The following SDCBP2 variants were observed in gnomAD, a reference collection of about 807,000 sequenced individuals.
SDCBP2 encodes the protein syndecan binding protein 2, also known as syntenin-2.
In SDCBP2, 28 loss-of-function variants were observed where a neutral mutation model predicts 30.7. That is an observed-to-expected ratio of 0.91 (90% confidence interval 0.68 to 1.25). The LOEUF is 1.25. Ranked by LOEUF, SDCBP2 falls within the 50% of genes most tolerant of loss-of-function variation. The pLI is 0.00. For missense variants in SDCBP2, 399 were observed against 379.0 expected (o/e 1.05, Z -0.44); for synonymous variants, 166 against 157.3 (o/e 1.06, Z -0.41).
chr20:1,317,485 T>A (rs1455128834), intron 4 of SDCBP2: 1 of 152,382 alleles, frequency 6.6e-6, no homozygotes, highest in Non-Finnish European at 1.5e-5. Context: ...GTGATGACAG[T>A]GGGGCTGCCT....
rs2088894532 is a variant in SDCBP2, at chr20:1,324,661, G to A, written c.-19-4226C>T. Among the ~76,000 whole-genome samples the A allele has an allele frequency of 1.3e-5, 2 of 152,168 alleles. No individual in the cohort carries two copies. The highest frequency in any genetic ancestry group is 2.4e-5 in the African/African-American group (1 of 41,438). On this transcript the variant is annotated intron_variant, in intron 1 of 8. Coordinates refer to ENST00000360779, the MANE Select transcript of SDCBP2 (RefSeq NM_080489.5). The surrounding 1 kb of genome is among the most constrained non-coding windows in gnomAD (Gnocchi z 4.7). ...AAATGCATATATCAGGTTGGTTGTG[G>A]GGAGTTACACTTTGCTCACCATTCT...
intron 1 of SDCBP2, chr20:1,325,439 C>T (rs987284763): frequency 1.4e-4 from 21 of 152,220 alleles, no homozygotes; most frequent in African/African-American, 5.1e-4. Flanking sequence ...ACATGGCGGC[C>T]TCCTTGCCGC....
At position 1,320,705 on chromosome 20, in the gene SDCBP2, C is replaced by A. The variant is rs573034750; in HGVS notation, c.-19-270G>T. 2.1e-4 allele frequency: 64 copies of A among 300,584 alleles called. 1 individual carries two copies. Among genetic ancestry groups the A allele is most frequent in the African/African-American group, 1.3e-3 (62 of 46,964 alleles). 18.6% of individuals were successfully genotyped at this position (300,584 alleles called of 1,614,324 possible). A position where few individuals can be genotyped will look rare whatever the true frequency, so the allele number is the denominator to read the frequency against. The stretch of plus-strand genomic sequence containing the variant: ...TAGGAAATTTATAAAGACTCTCACA[C>A]AAACTGTAGCAGAACTTAGACACTC... On this transcript the variant is annotated intron_variant, in intron 1 of 8. Transcript: ENST00000360779. The surrounding 1 kb of genome is among the most constrained non-coding windows in gnomAD (Gnocchi z 4.7).
At chr20:1,310,996 A>T in intron 7 of SDCBP2, 105 bp from the exon 8 acceptor site, 1 of 773,134 alleles carries the variant, frequency 1.3e-6, no homozygotes, top group Non-Finnish European at 2.1e-6. Context: ...AGAGGACACC[A>T]CTGATGGCTG....
intron 1 of SDCBP2, chr20:1,322,116 G>A (rs952227673): frequency 6.6e-6 from 1 of 152,216 alleles, no homozygotes; most frequent in Non-Finnish European, 1.5e-5. Flanking sequence ...CCACGTCCTT[G>A]CATGTGATTC....
chr20:1,312,778 C>A lies in SDCBP2; in HGVS notation c.385-16G>T. On this transcript the variant is annotated splice_polypyrimidine_tract_variant and intron_variant, in intron 5 of 8. Coordinates refer to ENST00000360779, the MANE Select transcript of SDCBP2 (RefSeq NM_080489.5). ...CAAAGAGCCCCTGGGGGAGGCAGGG[C>A]CCCAGAGTCAGTGTCCCTGGCCCAC... 1 of 1,599,770 alleles carries A rather than the reference C, an allele frequency of 6.3e-7. No individual in the cohort carries two copies. The highest frequency in any genetic ancestry group is 1.7e-5 in the Admixed American group (1 of 59,252).
At chr20:1,312,221 C>G in intron 7 of SDCBP2, 116 bp downstream of exon 7, 3 of 1,048,714 alleles carry the variant, frequency 2.9e-6, no homozygotes, top group Non-Finnish European at 4.2e-6. Flanking sequence ...CTTACTGAAC[C>G]CTCACAGCAA....
Position 1,320,380 on chromosome 20 carries a change from C to T in SDCBP2, c.37G>A (p.Val13Met). 1 of 1,614,032 alleles carries T rather than the reference C, an allele frequency of 6.2e-7. No homozygotes were observed. Among genetic ancestry groups the T allele is most frequent in the Non-Finnish European group, 8.5e-7 (1 of 1,179,918 alleles). The change falls in exon 2 of 9, where the codon GTG becomes ATG. Residue 13 changes from valine (V) to methionine (M), a missense_variant. By Grantham distance (21) the Val-to-Met change is conservative (BLOSUM62 1). Coordinates refer to ENST00000360779, the MANE Select transcript of SDCBP2 (RefSeq NM_080489.5). The surrounding 1 kb of genome is among the most constrained non-coding windows in gnomAD (Gnocchi z 4.7). ...CGACTTACCTGAATGGCTTGGTCCACTTTTAGGTCCTCTAGAGATGGGTAC... is the reference window on the plus strand; with the variant it reads ...CGACTTACCTGAATGGCTTGGTCCATTTTTAGGTCCTCTAGAGATGGGTAC... ...SLYPSLEDLK[V>M]DQAIQAQVRA...
At position 1,323,824 on chromosome 20, in the gene SDCBP2, TG is replaced by T. The variant is rs1410592342; in HGVS notation, c.-19-3390del. 5 of 151,914 alleles carry T rather than the reference TG, an allele frequency of 3.3e-5. No homozygotes were observed. The East Asian group carries it at 5.8e-4, about 18-fold the overall frequency. 9.4% of individuals were successfully genotyped at this position (151,914 alleles called of 1,614,324 possible). A position where few individuals can be genotyped will look rare whatever the true frequency, so the allele number is the denominator to read the frequency against. ...ATTTTATTTTTATTTGAATTTTTGTTGTTTTTTTTAATTTTTATTTTTAAAT... is the reference window on the plus strand; with the variant it reads ...ATTTTATTTTTATTTGAATTTTTGTTTTTTTTTTAATTTTTATTTTTAAAT... On this transcript the variant is annotated intron_variant, in intron 1 of 8. Coordinates refer to ENST00000360779, the MANE Select transcript of SDCBP2 (RefSeq NM_080489.5).
At chr20:1,326,902 T>C (rs1320363390) in intron 1 of SDCBP2, among the ~76,000 whole-genome samples, 1 of 152,258 alleles carries the variant, frequency 6.6e-6, no homozygotes, top group Non-Finnish European at 1.5e-5. Flanking sequence ...GAAAGCCTGA[T>C]ATCCTAAATA....
rs2088704126 is a variant in SDCBP2 at position 1,313,041 on chromosome 20, C to A, written c.385-279G>T. 1.7e-6 allele frequency: 1 copy of A among 585,986 alleles called. No homozygotes were observed. The highest frequency in any genetic ancestry group is 2.1e-5 in the South Asian group (1 of 48,390). 36.3% of individuals were successfully genotyped at this position (585,986 alleles called of 1,614,324 possible). A position where few individuals can be genotyped will look rare whatever the true frequency, so the allele number is the denominator to read the frequency against. On this transcript the variant is annotated intron_variant, in intron 5 of 8. Coordinates refer to ENST00000360779, the MANE Select transcript of SDCBP2 (RefSeq NM_080489.5). This position sits in a 1 kb window ranked among gnomAD's most constrained non-coding sequence, Gnocchi z 5.2. ...ACAAAGGCATGGGCTTCCCTGGCGT[C>A]GGCTGTCTACACCGTCGCCTGGAAG...
chr20:1,311,464 G>A (rs4814106), intron 7 of SDCBP2, among the ~76,000 whole-genome samples: 65,244 of 151,902 alleles, frequency 0.43, 14,150 homozygotes, highest in Middle Eastern at 0.63. Flanking sequence ...AAGTCTCTAC[G>A]CAAAGCGTGC....
In SDCBP2 at chr20:1,324,793, T is replaced by C. The variant is rs1455723234; in HGVS notation, c.-20+4292A>G. On this transcript the variant is annotated intron_variant, in intron 1 of 8. Transcript: ENST00000360779. The surrounding 1 kb of genome is among the most constrained non-coding windows in gnomAD (Gnocchi z 4.7). ...CAGTGACTCCGCGCTTTTATATAAA[T>C]ATATTTAGCCTTTGACTCAAGATGT... Among the ~76,000 whole-genome samples, 1 of 152,160 alleles carries C rather than the reference T, an allele frequency of 6.6e-6. No individual in the cohort carries two copies. The highest frequency in any genetic ancestry group is 2.4e-5 in the African/African-American group (1 of 41,420).
chr20:1,312,590 T>A lies in SDCBP2; in HGVS notation c.557A>T (p.Asp186Val). The A allele has an allele frequency of 2.5e-6, 4 of 1,613,834 alleles. No homozygotes were observed. The highest frequency in any genetic ancestry group is 3.4e-6 in the Non-Finnish European group (4 of 1,179,782). Residue 186 changes from aspartate to valine, a missense_variant, in exon 6 of 9, where the codon GAC becomes GTC. By Grantham distance (152) the Asp-to-Val change is radical. Coordinates refer to ENST00000360779, the MANE Select transcript of SDCBP2 (RefSeq NM_080489.5). ...SGDKIVVVVRDRPFQRTVTMH... is the reference protein window; with the variant it reads ...SGDKIVVVVRVRPFQRTVTMH... ...CTGCCCGGGCCTGGCTACTCACCTG[T>A]CCCGAACCACCACGACAATCTTATC...
chr20:1,312,191 C>T (rs890252738), intron 7 of SDCBP2, 146 bp downstream of exon 7: 7 of 791,270 alleles, frequency 8.8e-6, no homozygotes, highest in African/African-American at 1.7e-5. Flanking sequence ...AGTCACCGCA[C>T]CCAGCCCTAC....
intron 7 of SDCBP2, 151 bp downstream of exon 7, chr20:1,312,186 C>G (rs2088682760): frequency 1.7e-5 from 13 of 757,746 alleles, no homozygotes; most frequent in Non-Finnish European, 4.2e-6. Context: ...ACGTGAGTCA[C>G]CGCACCCAGC....
intron 7 of SDCBP2, chr20:1,311,134 T>A (rs2273957): frequency 0.18 from 80,690 of 452,518 alleles, 8,153 homozygotes; most frequent in East Asian, 0.38. Context: ...CAAATGAGCA[T>A]GCCTCTTCCC....
chr20:1,313,617 C>G lies in SDCBP2; in HGVS notation c.226-119G>C. ...ATGGAGCCGTCCCCGGGTCCCCCCACGTCCCCAGTCCACGCTTCTCCCCTA... is the reference window on the plus strand; with the variant it reads ...ATGGAGCCGTCCCCGGGTCCCCCCAGGTCCCCAGTCCACGCTTCTCCCCTA... On this transcript the variant is annotated intron_variant, in intron 4 of 8. Coordinates refer to ENST00000360779, the MANE Select transcript of SDCBP2 (RefSeq NM_080489.5). The surrounding 1 kb of genome is among the most constrained non-coding windows in gnomAD (Gnocchi z 5.2). The G allele has an allele frequency of 7.0e-7, 1 of 1,424,594 alleles. No homozygotes were observed. The highest frequency in any genetic ancestry group is 9.2e-7 in the Non-Finnish European group (1 of 1,091,864). 88.2% of individuals were successfully genotyped at this position (1,424,594 alleles called of 1,614,324 possible). A position where few individuals can be genotyped will look rare whatever the true frequency, so the allele number is the denominator to read the frequency against.
chr20:1,312,593 C>T lies in SDCBP2; in HGVS notation c.554G>A (p.Arg185Gln), dbSNP rs771371273. Reference protein sequence around the residue: ...ASGDKIVVVVRDRPFQRTVTM... With the variant: ...ASGDKIVVVVQDRPFQRTVTM... The stretch of plus-strand genomic sequence containing the variant: ...CCCGGGCCTGGCTACTCACCTGTCC[C>T]GAACCACCACGACAATCTTATCGCC... Residue 185 changes from arginine to glutamine, a missense_variant, in exon 6 of 9, where the codon CGG (arginine) becomes CAG (glutamine). Arg to Gln is a conservative substitution (Grantham distance 43, BLOSUM62 1). Transcript: ENST00000360779. The T allele has an allele frequency of 1.5e-5, 25 of 1,613,820 alleles. No individual in the cohort carries two copies. The highest frequency in any genetic ancestry group is 1.7e-4 in the Middle Eastern group (1 of 6,060).
Sources: allele counts gnomAD v4.1 joint callset (sites outside exome capture counted in the v4.1 genomes callset), GRCh38; gene constraint gnomAD v4.1.1; non-coding constraint Gnocchi (gnomAD v3.1); transcripts MANE v1.5; gene names NCBI Gene and HGNC (gene_info 2026-07-23, HGNC 2026-07-21).